Variants in SNX29 observed in about 807,000 individuals in gnomAD.
The protein encoded by SNX29 is sorting nexin-29.
SNX29 carries 78 observed loss-of-function variants against 102.1 expected under a neutral mutation model. The observed-to-expected ratio is 0.76, with a 90% confidence interval of 0.64 to 0.92. The LOEUF is 0.92. Among genes scored for constraint, SNX29 ranks in the 40% least tolerant of loss-of-function variants. The probability of loss-of-function intolerance (pLI) is 0.00; values close to 1 mark genes in which losing one functional copy is unlikely to be tolerated. For missense variants in SNX29, 1,280 were observed against 1,061.7 expected (o/e 1.21, Z -2.86); for synonymous variants, 580 against 414.5 (o/e 1.40, Z -4.85).
chr16:12,220,833 T>C (rs146809576), intron 14 of SNX29, among the ~76,000 whole-genome samples: 68 of 152,242 alleles, frequency 4.5e-4, no homozygotes, highest in African/African-American at 1.5e-3. Flanking sequence ...AAAAACATAT[T>C]CTTAGGCTGG....
chr16:12,396,956 G>C (rs1378028051), intron 16 of SNX29, among the ~76,000 whole-genome samples: 1 of 152,194 alleles, frequency 6.6e-6, no homozygotes, highest in African/African-American at 2.4e-5. Flanking sequence ...ACCCAGGTTA[G>C]GTCACTGCAG....
chr16:12,319,288 G>A (rs559302550), intron 15 of SNX29, among the ~76,000 whole-genome samples: 2 of 152,250 alleles, frequency 1.3e-5, no homozygotes, highest in African/African-American at 4.8e-5. Flanking sequence ...GATCATTTGC[G>A]GCCAGGAGTT....
chr16:12,008,278 TC>T (rs2056526320), intron 3 of SNX29, among the ~76,000 whole-genome samples: 1 of 151,672 alleles, frequency 6.6e-6, no homozygotes, highest in African/African-American at 2.4e-5. Context: ...AATTTTTTTT[TC>T]TTTTTTTGAG....
At chr16:12,566,971 C>T (rs961265214) in intron 20 of SNX29, among the ~76,000 whole-genome samples, 1 of 152,248 alleles carries the variant, frequency 6.6e-6, no homozygotes, top group African/African-American at 2.4e-5. Context: ...ATCTCACTCG[C>T]ACAGTGGCCA....
At chr16:12,405,439 C>G (rs1296796440) in intron 18 of SNX29, among the ~76,000 whole-genome samples, 1 of 152,224 alleles carries the variant, frequency 6.6e-6, no homozygotes, top group African/African-American at 2.4e-5. Flanking sequence ...AGCCCTGCTT[C>G]CAGCCAGCCT....
At chr16:12,562,395 A>G (rs1368698679) in intron 20 of SNX29, among the ~76,000 whole-genome samples, 2 of 152,158 alleles carry the variant, frequency 1.3e-5, no homozygotes, top group East Asian at 1.9e-4. Context: ...CAAGAGACAG[A>G]TCACATACCA....
At chr16:12,244,250 G>T (rs1216459435) in intron 14 of SNX29, among the ~76,000 whole-genome samples, 1 of 152,194 alleles carries the variant, frequency 6.6e-6, no homozygotes. Flanking sequence ...GGAGACCCCT[G>T]CCTTAGGGTG....
chr16:12,306,088 T>C (rs888557408), intron 15 of SNX29, among the ~76,000 whole-genome samples: 1 of 151,656 alleles, frequency 6.6e-6, no homozygotes, highest in Non-Finnish European at 1.5e-5. Context: ...AAACCATTCA[T>C]CCTCATGATC....
chr16:12,048,151 G>GTTT (rs565050765), intron 6 of SNX29, among the ~76,000 whole-genome samples: 1 of 139,466 alleles, frequency 7.2e-6, no homozygotes. Flanking sequence ...TTCATGGGAG[G>GTTT]TTTTTTTTTT....
intron 15 of SNX29, among the ~76,000 whole-genome samples, chr16:12,344,137 T>C (rs1220200072): frequency 6.6e-6 from 1 of 152,212 alleles, no homozygotes; most frequent in Non-Finnish European, 1.5e-5. Context: ...TTCTGCCAGA[T>C]TGGGAGGCCT....
chr16:12,076,321 G>A (rs1051998605), intron 10 of SNX29, among the ~76,000 whole-genome samples: 2 of 77,180 alleles, frequency 2.6e-5, no homozygotes, highest in Non-Finnish European at 5.2e-5. Context: ...TTTTTTTTTT[G>A]AGACAGTCTT....
At chr16:12,217,580 T>C (rs530071583) in intron 14 of SNX29, among the ~76,000 whole-genome samples, 5 of 152,342 alleles carry the variant, frequency 3.3e-5, no homozygotes, top group African/African-American at 1.2e-4. Context: ...GACTCATCCC[T>C]GTTTGGGTGA....
rs78952726 is a variant in SNX29 at position 12,569,905 on chromosome 16, C to T, written c.*1276C>T. ...TTGTGTGTTTCGCCTTAATCTGAGGCAGAGACACAGCAGAACCTGAGGAGA... is the reference window on the plus strand; with the variant it reads ...TTGTGTGTTTCGCCTTAATCTGAGGTAGAGACACAGCAGAACCTGAGGAGA... On this transcript the variant is annotated 3_prime_UTR_variant, in exon 21 of 21. Coordinates refer to ENST00000566228, the MANE Select transcript of SNX29 (RefSeq NM_032167.5). 3.7e-3 allele frequency: 860 copies of T among 231,814 alleles called. 17 individuals are homozygous for T. The highest frequency in any genetic ancestry group is 0.034 in the East Asian group (566 of 16,426). 14.4% of individuals were successfully genotyped at this position (231,814 alleles called of 1,614,324 possible).
At chr16:12,568,477 T>G in intron 20 of SNX29, 29 bp from the exon 21 acceptor site, 1 of 1,607,314 alleles carries the variant, frequency 6.2e-7, no homozygotes, top group Non-Finnish European at 8.5e-7. Context: ...ATCCCCAGAC[T>G]TAACCCGATT....
At chr16:12,288,461 C>G (rs76987423) in intron 15 of SNX29, among the ~76,000 whole-genome samples, 1 of 152,216 alleles carries the variant, frequency 6.6e-6, no homozygotes, top group South Asian at 2.1e-4. Context: ...TCACCCTGCT[C>G]TGCAGCAGCA....
chr16:12,385,231 C>A (rs1026457502), intron 16 of SNX29, among the ~76,000 whole-genome samples: 1 of 152,118 alleles, frequency 6.6e-6, no homozygotes, highest in African/African-American at 2.4e-5. Context: ...TTTCTAAAGT[C>A]TTTGCTTATT....
chr16:12,525,484 C>T (rs1227927665), intron 20 of SNX29, among the ~76,000 whole-genome samples: 1 of 152,010 alleles, frequency 6.6e-6, no homozygotes, highest in African/African-American at 2.4e-5. Context: ...ACCAGCATGG[C>T]CAACATGTTG....
At chr16:12,409,414 T>A (rs1206345582) in intron 18 of SNX29, among the ~76,000 whole-genome samples, 3 of 147,562 alleles carry the variant, frequency 2.0e-5, no homozygotes, top group Non-Finnish European at 4.5e-5. Context: ...GGTTTGAGAT[T>A]CACTGTCTTT....
At chr16:12,067,729 C>G (rs987071837) in intron 9 of SNX29, among the ~76,000 whole-genome samples, 5 of 152,202 alleles carry the variant, frequency 3.3e-5, no homozygotes, top group African/African-American at 1.2e-4. Context: ...CTCAAGTAAT[C>G]CACCTGCCTT....
Sources: gnomAD v4.1 joint callset for allele counts (sites outside exome capture counted in the v4.1 genomes callset) on GRCh38, gnomAD v4.1.1 for gene constraint, MANE v1.5 for transcripts, NCBI Gene and HGNC (gene_info 2026-07-23, HGNC 2026-07-21) for gene names.